LRP6: variants seen among roughly 807,000 people sequenced by gnomAD.
LRP6 encodes low-density lipoprotein receptor-related protein 6.
A neutral mutation model predicts 184.1 loss-of-function variants in LRP6; 43 were observed. That is an observed-to-expected ratio of 0.23 (90% CI 0.18 to 0.30). LRP6 has a LOEUF of 0.30. Ranked by LOEUF, LRP6 falls within the 10% of genes least tolerant of loss-of-function variation. The pLI is 1.00. For missense variants in LRP6, 1,571 were observed against 2,005.3 expected (o/e 0.78, Z 4.14); for synonymous variants, 719 against 684.9 (o/e 1.05, Z -0.78).
At chr12:12,213,573 C>T (rs1864266345) in intron 2 of LRP6, among the ~76,000 whole-genome samples, 1 of 151,826 alleles carries the variant, frequency 6.6e-6, no homozygotes, top group Admixed American at 6.6e-5. Flanking sequence ...GCTTAAAAAG[C>T]CCTTCTCTCT....
intron 3 of LRP6, among the ~76,000 whole-genome samples, chr12:12,195,879 T>G (rs1486681563): frequency 6.6e-6 from 1 of 151,958 alleles, no homozygotes; most frequent in Non-Finnish European, 1.5e-5. Flanking sequence ...AGGTGAGAGG[T>G]GGGTTTCTAG....
At chr12:12,251,416 A>T (rs1395698764) in intron 1 of LRP6, among the ~76,000 whole-genome samples, 1 of 151,232 alleles carries the variant, frequency 6.6e-6, no homozygotes, top group Non-Finnish European at 1.5e-5. Context: ...CAGGCTGGAG[A>T]GCAGTGGTGG....
chr12:12,228,370 AAAAG>A (rs1251669445), intron 2 of LRP6, among the ~76,000 whole-genome samples: 2 of 152,220 alleles, frequency 1.3e-5, no homozygotes, highest in African/African-American at 2.4e-5. Flanking sequence ...TCTCAAAAAA[AAAAG>A]AAAGAGAACC....
At chr12:12,166,516 TTTA>T (rs1435107402) in intron 7 of LRP6, among the ~76,000 whole-genome samples, 4 of 152,250 alleles carry the variant, frequency 2.6e-5, no homozygotes, top group Admixed American at 6.5e-5. Context: ...CTGATTCGGT[TTTA>T]TTCTTAGATT....
At chr12:12,207,073 T>TC (rs1864080536) in intron 2 of LRP6, among the ~76,000 whole-genome samples, 1 of 152,186 alleles carries the variant, frequency 6.6e-6, no homozygotes, top group South Asian at 2.1e-4. Flanking sequence ...GCTATTCCTA[T>TC]CCCCATCTAT....
intron 12 of LRP6, 100 bp from the exon 13 acceptor site, chr12:12,151,138 G>A: frequency 9.1e-7 from 1 of 1,094,248 alleles, no homozygotes. Context: ...ATACAAAACA[G>A]ACATAGATGT....
intron 2 of LRP6, among the ~76,000 whole-genome samples, chr12:12,238,219 C>T (rs1384704009): frequency 1.5e-5 from 1 of 68,050 alleles, no homozygotes; most frequent in East Asian, 3.0e-4. Context: ...ATGGCAGGTA[C>T]AAAAGAAAAA....
At chr12:12,202,176 T>C (rs1402074692) in intron 3 of LRP6, among the ~76,000 whole-genome samples, 3 of 152,262 alleles carry the variant, frequency 2.0e-5, no homozygotes, top group African/African-American at 4.8e-5. Flanking sequence ...CTGAAATGTA[T>C]GGTATATGCA....
At chr12:12,187,978 G>A (rs529479272) in intron 3 of LRP6, among the ~76,000 whole-genome samples, 7 of 152,154 alleles carry the variant, frequency 4.6e-5, no homozygotes, top group African/African-American at 1.4e-4. Flanking sequence ...TTGGGAGGCC[G>A]AGGTGGGTGG....
At chr12:12,202,588 T>C (rs947086367) in intron 3 of LRP6, among the ~76,000 whole-genome samples, 2 of 152,204 alleles carry the variant, frequency 1.3e-5, no homozygotes, top group South Asian at 4.1e-4. Flanking sequence ...GCAACAGTCA[T>C]GCCTATTCCC....
chr12:12,130,810 T>A lies in LRP6; in HGVS notation c.4054A>T (p.Ser1352Cys). 1 of 1,612,776 alleles carries A rather than the reference T, an allele frequency of 6.2e-7. No homozygotes were observed. The highest frequency in any genetic ancestry group is 8.5e-7 in the Non-Finnish European group (1 of 1,178,762). ...HKKCDHNVDC[S>C]DKSDELDCYP... ...CAATCCAGTTCATCTGACTTGTCAC[T>A]GCAATCCACATTATGATCACACTTC... Residue 1352 changes from serine (S) to cysteine (C), a missense_variant, in exon 19 of 23, where the codon AGT becomes TGT. Transcript: ENST00000261349.
intron 6 of LRP6, 39 bp from the exon 7 acceptor site, chr12:12,180,020 T>A (rs778366132): frequency 1.3e-6 from 2 of 1,537,684 alleles, no homozygotes. Context: ...AAATAGATAA[T>A]AAAATGTAAC....
chr12:12,233,294 C>T (rs1198749253), intron 2 of LRP6, among the ~76,000 whole-genome samples: 1 of 151,960 alleles, frequency 6.6e-6, no homozygotes, highest in African/African-American at 2.4e-5. Flanking sequence ...GCTGAAACCC[C>T]GCCTCTACTA....
At chr12:12,237,720 G>A (rs1378518594) in intron 2 of LRP6, among the ~76,000 whole-genome samples, 1 of 152,162 alleles carries the variant, frequency 6.6e-6, no homozygotes, top group African/African-American at 2.4e-5. Flanking sequence ...CCAAACTGAG[G>A]AACGTTCTAC....
At chr12:12,265,379 C>A (rs1865730564) in intron 1 of LRP6, among the ~76,000 whole-genome samples, 1 of 152,088 alleles carries the variant, frequency 6.6e-6, no homozygotes. Context: ...TGCATTACTA[C>A]AGAGTAACTG....
Position 12,135,046 on chromosome 12 carries a change from G to A in LRP6, c.3733+129C>T, listed in dbSNP as rs569282123. ...CAGAAAAGCCTAGTACAATACAAAT[G>A]AATGGAACACACGCAACCAATTAAG... On this transcript the variant is annotated intron_variant, in intron 17 of 22. Coordinates refer to ENST00000261349, the MANE Select transcript of LRP6 (RefSeq NM_002336.3). 4.1e-4 allele frequency: 537 copies of A among 1,303,638 alleles called. 1 individual carries two copies. Among genetic ancestry groups the A allele is most frequent in the Non-Finnish European group, 5.5e-4 (499 of 911,032 alleles). The allele number at this position is 1,303,638 out of a possible 1,614,324, so 80.8% of individuals were successfully genotyped here.
rs376859477 is a variant in LRP6 at position 12,146,923 on chromosome 12, C to T, written c.3397+443G>A. On this transcript the variant is annotated intron_variant, in intron 15 of 22. Transcript: ENST00000261349. ...ATCCCAGCACTTTGGGAGGCCGAGG[C>T]GGGTGGATCACAAGGTCAGGAGATC... Among the ~76,000 whole-genome samples, 46 of 152,240 alleles carry T rather than the reference C, an allele frequency of 3.0e-4. 1 individual carries two copies. Among genetic ancestry groups the T allele is most frequent in the African/African-American group, 1.0e-3 (43 of 41,560 alleles).
intron 7 of LRP6, among the ~76,000 whole-genome samples, chr12:12,177,565 T>C (rs1346754790): frequency 6.6e-6 from 1 of 152,188 alleles, no homozygotes; most frequent in Non-Finnish European, 1.5e-5. Context: ...GCACTCTTTC[T>C]TTAGTTTGCC....
intron 7 of LRP6, among the ~76,000 whole-genome samples, chr12:12,170,450 GTTT>G (rs144571964): frequency 6.8e-6 from 1 of 148,048 alleles, no homozygotes; most frequent in Non-Finnish European, 1.5e-5. Context: ...GACATTTATG[GTTT>G]TTTTTTTAAT....
Sources: allele counts gnomAD v4.1 joint callset (sites outside exome capture counted in the v4.1 genomes callset), GRCh38; gene constraint gnomAD v4.1.1; transcripts MANE v1.5; gene names NCBI Gene and HGNC (gene_info 2026-07-23, HGNC 2026-07-21).